The following UBR4 variants were observed in gnomAD, a reference collection of about 807,000 sequenced individuals.
UBR4 encodes the protein ubiquitin protein ligase E3 component n-recognin 4, also known as E3 ubiquitin-protein ligase UBR4.
A neutral mutation model predicts 575.6 loss-of-function variants in UBR4; 124 were observed. That is an observed-to-expected ratio of 0.22 (90% CI 0.19 to 0.25). The LOEUF (loss-of-function observed/expected upper bound fraction) is 0.25, where lower values mean the gene tolerates loss of function less well. Ranked by LOEUF, UBR4 falls within the 10% of genes least tolerant of loss-of-function variation. The pLI is 1.00. For missense variants in UBR4, 4,818 were observed against 6,478.8 expected (o/e 0.74, Z 8.80); for synonymous variants, 2,455 against 2,473.7 (o/e 0.99, Z 0.22).
rs564729761 is a variant in UBR4, at chr1:19,076,329, G to A, written c.15487+411C>T. Among the ~76,000 whole-genome samples the A allele has an allele frequency of 2.6e-5, 4 of 152,328 alleles. 1 individual carries two copies. The South Asian group carries it at 8.3e-4, about 32-fold the overall frequency. On this transcript the variant is annotated intron_variant, in intron 105 of 105. Coordinates refer to ENST00000375254, the MANE Select transcript of UBR4 (RefSeq NM_020765.3). ...AAGACAGGGGCATTCCAATTTGCAT[G>A]TTAATTCTCTGAACTGCCATTAAAA...
At chr1:19,095,050 C>T in intron 93 of UBR4, 25 bp from the exon 94 acceptor site, 1 of 1,614,096 alleles carries the variant, frequency 6.2e-7, no homozygotes, top group Non-Finnish European at 8.5e-7. Flanking sequence ...GACTCAGTCA[C>T]TCTCAGAATA....
intron 101 of UBR4, among the ~76,000 whole-genome samples, chr1:19,085,097 GTT>G (rs1424881200): frequency 6.6e-6 from 1 of 152,210 alleles, no homozygotes; most frequent in East Asian, 1.9e-4. Flanking sequence ...AAATAAAAGG[GTT>G]TTTTGTTTTT....
In UBR4 at chr1:19,113,028, A is replaced by G; in HGVS notation, c.11458-161T>C. On this transcript the variant is annotated intron_variant, in intron 77 of 105. Coordinates refer to ENST00000375254, the MANE Select transcript of UBR4 (RefSeq NM_020765.3). ...TAGATGCTTTATCTCCATTTTACAG[A>G]GAAGGAAACTGAAGCTTGGAGAAAG... The G allele has an allele frequency of 4.0e-6, 3 of 741,084 alleles. No homozygotes were observed. The South Asian group carries it at 6.5e-5, about 16-fold the overall frequency. 45.9% of individuals were successfully genotyped at this position (741,084 alleles called of 1,614,324 possible).
At chr1:19,166,486 G>A (rs1229813077) in intron 29 of UBR4, among the ~76,000 whole-genome samples, 1 of 142,718 alleles carries the variant, frequency 7.0e-6, no homozygotes, top group African/African-American at 2.5e-5. Context: ...CTATTCCTAA[G>A]AATTAATCAC....
intron 70 of UBR4, among the ~76,000 whole-genome samples, chr1:19,119,164 A>C (rs970343966): frequency 1.3e-5 from 2 of 152,192 alleles, no homozygotes; most frequent in African/African-American, 4.8e-5. Context: ...GATAGGTAGT[A>C]CCCTTTTCTG....
At position 19,094,993 on chromosome 1, in the gene UBR4, A is replaced by G; in HGVS notation, c.13659T>C (p.Ser4553=). ...CCTGCTCAGCCACAGCTGCACCCCCACTGTCCTTGCTTTCTTGTTCAGCTA... is the reference window on the plus strand; with the variant it reads ...CCTGCTCAGCCACAGCTGCACCCCCGCTGTCCTTGCTTTCTTGTTCAGCTA... ...ALVAEQESKD[S]GGAAVAEQVL... Residue 4553 remains serine, a synonymous_variant, in exon 94 of 106, where the codon AGT becomes AGC. Coordinates refer to ENST00000375254, the MANE Select transcript of UBR4 (RefSeq NM_020765.3). 1 of 1,613,934 alleles carries G rather than the reference A, an allele frequency of 6.2e-7. No homozygotes were observed. The highest frequency in any genetic ancestry group is 8.5e-7 in the Non-Finnish European group (1 of 1,179,942).
chr1:19,170,417 G>C (rs1293829228), intron 26 of UBR4, among the ~76,000 whole-genome samples: 1 of 152,130 alleles, frequency 6.6e-6, no homozygotes, highest in Non-Finnish European at 1.5e-5. Context: ...AGAAGAGAGT[G>C]GGGAGGGGAG....
Position 19,155,644 on chromosome 1 carries a change from A to C in UBR4, c.6097T>G (p.Leu2033Val). 6.2e-7 allele frequency: 1 copy of C among 1,614,210 alleles called. No individual in the cohort carries two copies. The highest frequency in any genetic ancestry group is 1.1e-5 in the South Asian group (1 of 91,086). The change falls in exon 43 of 106, where the codon TTG becomes GTG. Residue 2033 changes from leucine to valine, a missense_variant. Around this residue, in one of 29 missense-constraint regions of UBR4, gnomAD observed 461 missense variants for 606.9 expected, o/e 0.76. Coordinates refer to ENST00000375254, the MANE Select transcript of UBR4 (RefSeq NM_020765.3). Reference protein sequence around the residue: ...VKIYDLCVDALSPTFYFLLPS... With the variant: ...VKIYDLCVDAVSPTFYFLLPS... ...AGGAGAAAATAGAAGGTTGGACTCA[A>C]GGCATCAACACACAGGTCATAAATC...
At chr1:19,206,778 G>C (rs916563638) in intron 1 of UBR4, among the ~76,000 whole-genome samples, 2 of 152,212 alleles carry the variant, frequency 1.3e-5, no homozygotes, top group African/African-American at 4.8e-5. Flanking sequence ...AATGACTTGA[G>C]AGTATGCTTT....
chr1:19,208,417 A>G (rs1259794558), intron 1 of UBR4, among the ~76,000 whole-genome samples: 2 of 140,152 alleles, frequency 1.4e-5, no homozygotes, highest in Non-Finnish European at 3.1e-5. Context: ...CAGTGAGCTG[A>G]GATGGCGCCA....
In UBR4 at chr1:19,157,706, G is replaced by C. The variant is rs1386151290; in HGVS notation, c.5760+109C>G. ...GTCCCTGAAGCATTCTTAGAACGCA[G>C]TGGACTTTTTCCCACAGAGGGCTAA... On this transcript the variant is annotated intron_variant, in intron 40 of 105. Coordinates refer to ENST00000375254, the MANE Select transcript of UBR4 (RefSeq NM_020765.3). The surrounding 1 kb of genome is among the most constrained non-coding windows in gnomAD (Gnocchi z 4.4). 5 of 1,389,144 alleles carry C rather than the reference G, an allele frequency of 3.6e-6. No individual in the cohort carries two copies. Among genetic ancestry groups the C allele is most frequent in the Non-Finnish European group, 3.9e-6 (4 of 1,025,054 alleles). 86.1% of individuals were successfully genotyped at this position (1,389,144 alleles called of 1,614,324 possible). A position where few individuals can be genotyped will look rare whatever the true frequency, so the allele number is the denominator to read the frequency against.
rs763778219 is a variant in UBR4 at position 19,144,772 on chromosome 1, G to T, written c.8067+14C>A. The T allele has an allele frequency of 9.9e-6, 16 of 1,608,430 alleles. No homozygotes were observed. The South Asian group carries it at 1.8e-4, about 18-fold the overall frequency. ...TGGCTGCTGCGAGCTCTCTGGGATT[G>T]TAATGCTACGTACAGGACACAAGAG... On this transcript the variant is annotated intron_variant, in intron 54 of 105. Transcript: ENST00000375254.
At position 19,103,995 on chromosome 1, in the gene UBR4, T is replaced by TC. The variant is rs1489362701; in HGVS notation, c.12901+88dup. 8 of 1,472,862 alleles carry TC rather than the reference T, an allele frequency of 5.4e-6. No homozygotes were observed. The African/African-American group carries it at 1.1e-4, about 21-fold the overall frequency. 91.2% of individuals were successfully genotyped at this position (1,472,862 alleles called of 1,614,324 possible). On this transcript the variant is annotated intron_variant, in intron 87 of 105. Transcript: ENST00000375254. ...AGATGTTTGCCACCCCTCCTCTGGA[T>TC]CTGTGGAACTGGGGGAAATTGGTCG... is the stretch of plus-strand genomic sequence containing the variant.
rs1421680156 is a variant in UBR4, at chr1:19,122,020, A to G, written c.9817-8T>C. ...GGCTTTCAGGTGCTCCATCTGAAAT[A>G]GGAACCAACCACGGGAAAGGAGTAA... On this transcript the variant is annotated splice_polypyrimidine_tract_variant and splice_region_variant and intron_variant, in intron 66 of 105. Transcript: ENST00000375254. The G allele has an allele frequency of 6.2e-7, 1 of 1,613,998 alleles. No homozygotes were observed. Among genetic ancestry groups the G allele is most frequent in the South Asian group, 1.1e-5 (1 of 91,070 alleles).
rs932105004 is a variant in UBR4 at position 19,186,592 on chromosome 1, G to A, written c.1698C>T (p.Ser566=). Residue 566 remains serine (S), a synonymous_variant, in exon 14 of 106, where the codon TCC becomes TCT. Coordinates refer to ENST00000375254, the MANE Select transcript of UBR4 (RefSeq NM_020765.3). ...TGAAATCGTCCTCATAGTAAGTATT[G>A]GAGTCGGTGGAGGCGCTGGCATCGC... ...MSSDASASTD[S]NTYYEDDFSS... The A allele has an allele frequency of 3.1e-6, 5 of 1,614,122 alleles. No individual in the cohort carries two copies. In the South Asian group the frequency reaches 5.5e-5, roughly 18 times the overall value.
Position 19,177,557 on chromosome 1 carries a change from C to A in UBR4, c.2541G>T (p.Gln847His). 1 of 1,613,914 alleles carries A rather than the reference C, an allele frequency of 6.2e-7. No homozygotes were observed. Among genetic ancestry groups the A allele is most frequent in the Non-Finnish European group, 8.5e-7 (1 of 1,180,014 alleles). The change falls in exon 19 of 106, where the codon CAG (glutamine) becomes CAT (histidine). Residue 847 changes from glutamine (Q) to histidine (H), a missense_variant. This residue lies in a region of UBR4 where 1,172 missense variants were observed against 1,259.7 expected (regional missense o/e 0.93). Transcript: ENST00000375254. Reference protein sequence around the residue: ...IQELSVNMDAQMRFVPLILAR... With the variant: ...IQELSVNMDAHMRFVPLILAR... ...CCAAGATAAGCGGCACGAAGCGCAT[C>A]TGAGCATCCATGTTGACGCTCAACT... is the stretch of plus-strand genomic sequence containing the variant.
In UBR4 at chr1:19,139,248, G is replaced by A; in HGVS notation, c.8594-28C>T. 1 of 1,556,780 alleles carries A rather than the reference G, an allele frequency of 6.4e-7. No homozygotes were observed. Among genetic ancestry groups the A allele is most frequent in the Non-Finnish European group, 8.7e-7 (1 of 1,152,688 alleles). On this transcript the variant is annotated intron_variant, in intron 58 of 105. Coordinates refer to ENST00000375254, the MANE Select transcript of UBR4 (RefSeq NM_020765.3). This position sits in a 1 kb window ranked among gnomAD's most constrained non-coding sequence, Gnocchi z 4.2. The stretch of plus-strand genomic sequence containing the variant: ...GAGAGAGTAACGAGAGCTGTTACAG[G>A]TTAAAAAACAAACAAACAAACAAAC...
At chr1:19,099,516 G>T in intron 90 of UBR4, 81 bp downstream of exon 90, 2 of 1,302,570 alleles carry the variant, frequency 1.5e-6, no homozygotes, top group South Asian at 1.3e-5. Flanking sequence ...AAGTGATGAT[G>T]AACAATGGCT....
chr1:19,167,966 C>A, intron 28 of UBR4, 61 bp downstream of exon 28: 2 of 1,435,328 alleles, frequency 1.4e-6, no homozygotes, highest in South Asian at 1.6e-5. Context: ...TCTCACTGTC[C>A]CTCTTTAACC....
Sources: allele counts gnomAD v4.1 joint callset (sites outside exome capture counted in the v4.1 genomes callset), GRCh38; gene constraint gnomAD v4.1.1; regional missense constraint gnomAD v4.1.1; non-coding constraint Gnocchi (gnomAD v3.1); transcripts MANE v1.5; gene names NCBI Gene and HGNC (gene_info 2026-07-23, HGNC 2026-07-21).